EPHA6: variants seen among roughly 807,000 people sequenced by gnomAD.
EPHA6 encodes the protein ephrin type-A receptor 6.
A neutral mutation model predicts 112.0 loss-of-function variants in EPHA6; 50 were observed. The observed-to-expected ratio is 0.45, with a 90% CI of 0.36 to 0.56. EPHA6 has a LOEUF of 0.56. Ranked by LOEUF, EPHA6 falls within the 20% of genes least tolerant of loss-of-function variation. The probability of loss-of-function intolerance (pLI) is 0.00; values close to 1 mark genes in which losing one functional copy is unlikely to be tolerated. For synonymous variants in EPHA6, 529 were observed against 490.7 expected, an observed-to-expected ratio of 1.08 and a Z score of -1.03; for missense variants, 1,280 against 1,417.4, an observed-to-expected ratio of 0.90 and a Z score of 1.56.
chr3:97,585,705 A>G (rs975133356), intron 11 of EPHA6, among the ~76,000 whole-genome samples: 1 of 151,108 alleles, frequency 6.6e-6, no homozygotes, highest in Non-Finnish European at 1.5e-5. Flanking sequence ...GGTAAAGAGG[A>G]AAATACTAAT....
intron 1 of EPHA6, among the ~76,000 whole-genome samples, chr3:96,852,547 G>T (rs1332898498): frequency 6.8e-6 from 1 of 146,194 alleles, no homozygotes; most frequent in Non-Finnish European, 1.5e-5. Flanking sequence ...AGTTACCTTG[G>T]TTTTCAGAAT....
intron 3 of EPHA6, among the ~76,000 whole-genome samples, chr3:97,008,993 G>C (rs1431584822): frequency 6.6e-6 from 1 of 151,974 alleles, no homozygotes; most frequent in Non-Finnish European, 1.5e-5. Flanking sequence ...AGCAAAGATG[G>C]GTGCCTTCTC....
chr3:97,029,103 C>A (rs1412934762), intron 3 of EPHA6, among the ~76,000 whole-genome samples: 1 of 151,396 alleles, frequency 6.6e-6, no homozygotes, highest in African/African-American at 2.4e-5. Context: ...CAATAAAATT[C>A]TAATATGCAT....
chr3:97,615,423 C>A (rs2093757338), intron 13 of EPHA6, among the ~76,000 whole-genome samples: 1 of 152,114 alleles, frequency 6.6e-6, no homozygotes. Context: ...GTTGGACCTC[C>A]ATACATAGCC....
intron 3 of EPHA6, among the ~76,000 whole-genome samples, chr3:97,188,270 A>G (rs2077209340): frequency 6.6e-6 from 1 of 152,170 alleles, no homozygotes; most frequent in South Asian, 2.1e-4. Flanking sequence ...GCTAAACATC[A>G]GCTGTAACAA....
At chr3:96,972,500 C>T (rs2042356167) in intron 2 of EPHA6, among the ~76,000 whole-genome samples, 1 of 151,896 alleles carries the variant, frequency 6.6e-6, no homozygotes, top group South Asian at 2.1e-4. Context: ...AAATATGTTT[C>T]TCCAACAGTC....
chr3:97,379,877 C>T (rs1484761228), intron 5 of EPHA6, among the ~76,000 whole-genome samples: 1 of 150,672 alleles, frequency 6.6e-6, no homozygotes, highest in East Asian at 2.0e-4. Flanking sequence ...TAATTACAGA[C>T]ATCAGAAAAA....
At chr3:97,410,279 A>G (rs2087631102) in intron 6 of EPHA6, among the ~76,000 whole-genome samples, 1 of 152,114 alleles carries the variant, frequency 6.6e-6, no homozygotes, top group Non-Finnish European at 1.5e-5. Flanking sequence ...ATAATCAGTA[A>G]CATGCATCTT....
At chr3:97,672,440 C>T (rs539210277) in intron 14 of EPHA6, among the ~76,000 whole-genome samples, 1 of 151,974 alleles carries the variant, frequency 6.6e-6, no homozygotes, top group East Asian at 1.9e-4. Context: ...TTTATTTTTA[C>T]TTGTTGGTGG....
chr3:97,221,115 A>T lies in EPHA6; in HGVS notation c.1115-5149A>T, dbSNP rs577953233. The stretch of plus-strand genomic sequence containing the variant: ...CGGATCACAAAGTCAGGAGCTGGAG[A>T]CCATCTGGCCAACACGGTGAAACCT... On this transcript the variant is annotated intron_variant, in intron 3 of 17. Coordinates refer to ENST00000389672, the MANE Select transcript of EPHA6 (RefSeq NM_001080448.3). Among the ~76,000 whole-genome samples, 393 of 152,010 alleles carry T rather than the reference A, an allele frequency of 2.6e-3. 3 individuals are homozygous for T. The highest frequency in any genetic ancestry group is 8.5e-3 in the African/African-American group (353 of 41,452).
chr3:97,277,169 G>A (rs983556705), intron 5 of EPHA6, among the ~76,000 whole-genome samples: 2 of 152,198 alleles, frequency 1.3e-5, no homozygotes, highest in African/African-American at 4.8e-5. Context: ...AACAGGCTTT[G>A]TGTGAGCAAC....
At chr3:97,262,467 T>C (rs971654954) in intron 5 of EPHA6, among the ~76,000 whole-genome samples, 1 of 152,188 alleles carries the variant, frequency 6.6e-6, no homozygotes, top group Non-Finnish European at 1.5e-5. Flanking sequence ...ACTTCAAATT[T>C]AGAATGAATA....
intron 3 of EPHA6, among the ~76,000 whole-genome samples, chr3:97,016,949 G>C (rs761675798): frequency 1.3e-5 from 2 of 152,142 alleles, no homozygotes; most frequent in Non-Finnish European, 2.9e-5. Flanking sequence ...TATACCACTA[G>C]TTGTTTATCC....
chr3:97,326,783 G>A (rs2082448497), intron 5 of EPHA6, among the ~76,000 whole-genome samples: 1 of 152,060 alleles, frequency 6.6e-6, no homozygotes, highest in African/African-American at 2.4e-5. Context: ...AATAGTAGAA[G>A]GCATGGGAAA....
At chr3:96,928,030 G>T (rs915457825) in intron 2 of EPHA6, among the ~76,000 whole-genome samples, 3 of 152,136 alleles carry the variant, frequency 2.0e-5, no homozygotes, top group Non-Finnish European at 4.4e-5. Context: ...AAAACTATCA[G>T]ATCCCATGAG....
rs150865374 is a variant in EPHA6 at position 97,641,611 on chromosome 3, G to A, written c.2784+3529G>A. 7.1e-3 allele frequency among the ~76,000 whole-genome samples: 1,089 copies of A among 152,372 alleles called. 10 individuals are homozygous for A. Among genetic ancestry groups the A allele is most frequent in the Non-Finnish European group, 0.012 (806 of 68,044 alleles). On this transcript the variant is annotated intron_variant, in intron 14 of 17. Transcript: ENST00000389672. The stretch of plus-strand genomic sequence containing the variant: ...CACCATGCGCGAGCCGAAGCAGAGC[G>A]AGGCATTGCCTCCCTTGGGAAGCGC...
intron 6 of EPHA6, among the ~76,000 whole-genome samples, chr3:97,445,810 G>A (rs887649427): frequency 1.3e-5 from 2 of 151,252 alleles, no homozygotes; most frequent in African/African-American, 4.9e-5. Flanking sequence ...ATGAGAAGAG[G>A]AATTTTATCA....
chr3:97,682,715 G>A (rs142858054), intron 14 of EPHA6, among the ~76,000 whole-genome samples: 5 of 152,232 alleles, frequency 3.3e-5, no homozygotes, highest in East Asian at 1.9e-4. Flanking sequence ...GAAGCCCACC[G>A]TGCACAGTAT....
rs532858138 is a variant in EPHA6 at position 97,605,099 on chromosome 3, G to C, written c.2513-5694G>C. ...TCTAAAATTGATTGAGATATAAAGG[G>C]AGGAGAAAGTAAACTGTCAAGACTT... is the stretch of plus-strand genomic sequence containing the variant. On this transcript the variant is annotated intron_variant, in intron 12 of 17. Coordinates refer to ENST00000389672, the MANE Select transcript of EPHA6 (RefSeq NM_001080448.3). Among the ~76,000 whole-genome samples, 7 of 151,578 alleles carry C rather than the reference G, an allele frequency of 4.6e-5. No homozygotes were observed. In the South Asian group the frequency reaches 1.5e-3, roughly 31 times the overall value.
Sources: gnomAD v4.1 joint callset for allele counts (sites outside exome capture counted in the v4.1 genomes callset) on GRCh38, gnomAD v4.1.1 for gene constraint, MANE v1.5 for transcripts, NCBI Gene and HGNC (gene_info 2026-07-23, HGNC 2026-07-21) for gene names.